The following DNAH8 variants were observed in gnomAD, a reference collection of about 807,000 sequenced individuals.
The protein encoded by DNAH8 is axonemal beta dynein heavy chain 8.
In DNAH8, 382 loss-of-function variants were observed where a neutral mutation model predicts 562.1. The observed-to-expected ratio is 0.68, with a 90% CI of 0.63 to 0.74. The LOEUF (loss-of-function observed/expected upper bound fraction) is 0.74. Among genes scored for constraint, DNAH8 ranks in the 30% least tolerant of loss-of-function variants. The pLI is 0.00. For missense variants in DNAH8, 5,203 were observed against 5,620.4 expected, an observed-to-expected ratio of 0.93 and a Z score of 2.37; for synonymous variants, 1,881 against 1,919.4, an observed-to-expected ratio of 0.98 and a Z score of 0.52.
chr6:39,009,057 A>G (rs1766003169), intron 89 of DNAH8, 87 bp downstream of exon 89: 1 of 987,436 alleles, frequency 1.0e-6, no homozygotes, highest in African/African-American at 1.6e-5. Context: ...CAAGAAATCT[A>G]CCTGTTGGTG....
At chr6:38,727,352 C>G (rs1461932907) in intron 3 of DNAH8, among the ~76,000 whole-genome samples, 1 of 152,186 alleles carries the variant, frequency 6.6e-6, no homozygotes, top group Admixed American at 6.6e-5. Context: ...ACCTGGGCTC[C>G]CTTGTTCTCT....
chr6:38,941,596 C>T (rs975501837), intron 79 of DNAH8, among the ~76,000 whole-genome samples: 2 of 152,102 alleles, frequency 1.3e-5, no homozygotes, highest in South Asian at 2.1e-4. Flanking sequence ...GGAGGAGGCA[C>T]TGCAGAGAGT....
At chr6:38,890,838 G>C (rs963752569) in intron 58 of DNAH8, 77 bp downstream of exon 58, 7 of 995,864 alleles carry the variant, frequency 7.0e-6, no homozygotes, top group Non-Finnish European at 9.6e-6. Flanking sequence ...GGCTCATTAA[G>C]TTATCATAAT....
chr6:38,902,835 G>A (rs1780164049), intron 62 of DNAH8, among the ~76,000 whole-genome samples: 2 of 152,210 alleles, frequency 1.3e-5, no homozygotes, highest in South Asian at 4.1e-4. Flanking sequence ...AGGAAGGCTA[G>A]GATGACACTC....
At chr6:39,029,594 C>A (rs917142103) in intron 92 of DNAH8, among the ~76,000 whole-genome samples, 9 of 152,210 alleles carry the variant, frequency 5.9e-5, no homozygotes, top group Non-Finnish European at 1.3e-4. Flanking sequence ...ATTCCCCTGG[C>A]TCTACCATGC....
At chr6:38,903,572 G>C (rs114463903) in intron 62 of DNAH8, among the ~76,000 whole-genome samples, 8,946 of 150,414 alleles carry the variant, frequency 0.059, 828 homozygotes, top group African/African-American at 0.19. Context: ...ACTATATTAT[G>C]CTCCCACAGT....
Position 38,756,070 on chromosome 6 carries a change from G to T in DNAH8, c.1506G>T (p.Leu502Phe), listed in dbSNP as rs1562666258. 3.8e-6 allele frequency: 6 copies of T among 1,568,390 alleles called. No homozygotes were observed. Among genetic ancestry groups the T allele is most frequent in the Non-Finnish European group, 5.3e-6 (6 of 1,139,494 alleles). ...ATACCTCAGAGAGAATGACCTCATT[G>T]TTTATCAAGGTAAGTTTCTGTGGGA... ...YYNTSERMTS[L>F]FIKVTNQMVT... is the part of the protein sequence containing the mutation. The change falls in exon 10 of 93, where the codon TTG becomes TTT. Residue 502 changes from leucine (L) to phenylalanine (F), a missense_variant. By Grantham distance (22) the Leu-to-Phe change is conservative. Coordinates refer to ENST00000327475, the MANE Select transcript of DNAH8 (RefSeq NM_001206927.2).
intron 82 of DNAH8, among the ~76,000 whole-genome samples, chr6:38,962,940 C>T (rs1583463989): frequency 6.6e-6 from 1 of 152,170 alleles, no homozygotes; most frequent in East Asian, 1.9e-4. Flanking sequence ...ACACAAAGGC[C>T]TAAGAATGAT....
At chr6:38,770,204 T>C (rs1767424049) in intron 11 of DNAH8, among the ~76,000 whole-genome samples, 1 of 152,046 alleles carries the variant, frequency 6.6e-6, no homozygotes, top group Admixed American at 6.6e-5. Flanking sequence ...GTATATGGTA[T>C]GCTTTGATGT....
chr6:38,984,350 T>A, intron 87 of DNAH8, 43 bp downstream of exon 87: 8 of 1,327,462 alleles, frequency 6.0e-6, no homozygotes, highest in Non-Finnish European at 8.7e-6. Context: ...CACATTTCAC[T>A]GTATTTTCCA....
chr6:38,866,025 T>C (rs1371590833), intron 45 of DNAH8, among the ~76,000 whole-genome samples: 1 of 152,228 alleles, frequency 6.6e-6, no homozygotes, highest in Non-Finnish European at 1.5e-5. Flanking sequence ...CCTGTCTGTC[T>C]CTACTTTTGT....
In DNAH8 at chr6:38,907,964, C is replaced by T. The variant is rs1469844079; in HGVS notation, c.9357C>T (p.Asn3119=). 6.3e-7 allele frequency: 1 copy of T among 1,596,494 alleles called. No individual in the cohort carries two copies. Among genetic ancestry groups the T allele is most frequent in the Non-Finnish European group, 8.5e-7 (1 of 1,173,242 alleles). ...TTGTCCATTCCTTAAAGATCTCCAA[C>T]TTGTTTGCACGAGATGAGATGGATG... The part of the protein sequence containing the change: ...NNLLSSGEIS[N]LFARDEMDEI... The change falls in exon 64 of 93, where the codon AAC becomes AAT. Residue 3119 remains asparagine, a synonymous_variant. Coordinates refer to ENST00000327475, the MANE Select transcript of DNAH8 (RefSeq NM_001206927.2).
intron 87 of DNAH8, among the ~76,000 whole-genome samples, chr6:38,985,424 A>G (rs1460957024): frequency 6.6e-6 from 1 of 152,242 alleles, no homozygotes. Flanking sequence ...ACAACAAAGC[A>G]CAAGCTTTGG....
At position 38,795,927 on chromosome 6, in the gene DNAH8, G is replaced by T. The variant is rs148476317; in HGVS notation, c.2901+4253G>T. On this transcript the variant is annotated intron_variant, in intron 21 of 92. Coordinates refer to ENST00000327475, the MANE Select transcript of DNAH8 (RefSeq NM_001206927.2). ...TCAGGGCAGTGTTCCTTGTCTTGGCGCATCCAAGGGTGGTTTAGGACAGAT... is the reference window on the plus strand; with the variant it reads ...TCAGGGCAGTGTTCCTTGTCTTGGCTCATCCAAGGGTGGTTTAGGACAGAT... Among the ~76,000 whole-genome samples the T allele has an allele frequency of 5.2e-3, 785 of 152,280 alleles. 2 individuals are homozygous for T. Among genetic ancestry groups the T allele is most frequent in the Non-Finnish European group, 8.7e-3 (590 of 68,020 alleles).
At chr6:38,953,962 G>C (rs1245612761) in intron 82 of DNAH8, among the ~76,000 whole-genome samples, 1 of 151,694 alleles carries the variant, frequency 6.6e-6, no homozygotes, top group Non-Finnish European at 1.5e-5. Flanking sequence ...TGATCTCATT[G>C]GTCTTTCTTT....
chr6:39,022,177 G>T (rs1216447638), intron 91 of DNAH8, among the ~76,000 whole-genome samples: 1 of 152,218 alleles, frequency 6.6e-6, no homozygotes, highest in East Asian at 1.9e-4. Flanking sequence ...TTTTGTGTGT[G>T]TGGGTAAGTG....
At chr6:38,720,513 G>A (rs541181020) in intron 1 of DNAH8, among the ~76,000 whole-genome samples, 4 of 152,238 alleles carry the variant, frequency 2.6e-5, no homozygotes, top group South Asian at 4.2e-4. Context: ...GGCAAACCCA[G>A]GCTTAAGCCG....
chr6:38,755,609 C>T (rs1765839506), intron 9 of DNAH8, among the ~76,000 whole-genome samples: 1 of 152,126 alleles, frequency 6.6e-6, no homozygotes, highest in Non-Finnish European at 1.5e-5. Context: ...GTATCAGTTT[C>T]TTCACCTTTA....
At chr6:38,900,217 G>A (rs1179320172) in intron 62 of DNAH8, among the ~76,000 whole-genome samples, 1 of 152,128 alleles carries the variant, frequency 6.6e-6, no homozygotes, top group East Asian at 1.9e-4. Flanking sequence ...TTTGAATTTT[G>A]TATCAATTGA....
Sources: gnomAD v4.1 joint callset for allele counts (sites outside exome capture counted in the v4.1 genomes callset) on GRCh38, gnomAD v4.1.1 for gene constraint, MANE v1.5 for transcripts, NCBI Gene and HGNC (gene_info 2026-07-23, HGNC 2026-07-21) for gene names.